The following CSNK2A2IP variants were observed in gnomAD, a reference collection of about 807,000 sequenced individuals.
CSNK2A2IP encodes casein kinase 2 subunit alpha' interacting protein, also known as casein kinase II subunit alpha'-interacting protein.
At chr3:88,404,957 T>C in the CSNK2A2IP span, among the ~76,000 whole-genome samples, 1 of 152,174 alleles carries the variant, frequency 6.6e-6, no homozygotes, top group Non-Finnish European at 1.5e-5. Flanking sequence ...TCACCCTCAA[T>C]ATCTGATCAG....
At chr3:88,368,988 C>G in the CSNK2A2IP span, among the ~76,000 whole-genome samples, 2 of 152,030 alleles carry the variant, frequency 1.3e-5, no homozygotes, top group Admixed American at 1.3e-4. Context: ...AAGATCTACC[C>G]TTAGGTAAAT....
chr3:88,396,647 A>C, the CSNK2A2IP span, among the ~76,000 whole-genome samples: 1 of 152,236 alleles, frequency 6.6e-6, no homozygotes, highest in African/African-American at 2.4e-5. Flanking sequence ...GAGAGCGAGG[A>C]GAAGCGCAAT....
chr3:88,381,163 T>C, the CSNK2A2IP span, among the ~76,000 whole-genome samples: 1 of 152,186 alleles, frequency 6.6e-6, no homozygotes, highest in African/African-American at 2.4e-5. Context: ...GATTAGGGTG[T>C]GGCAGAAGGT....
the CSNK2A2IP span, among the ~76,000 whole-genome samples, chr3:88,371,957 C>T: frequency 1.3e-5 from 2 of 151,434 alleles, no homozygotes; most frequent in African/African-American, 4.8e-5. Context: ...ATTTCTATAC[C>T]CAGCCAAGCT....
At chr3:88,348,666 C>T in the CSNK2A2IP span, among the ~76,000 whole-genome samples, 1 of 152,088 alleles carries the variant, frequency 6.6e-6, no homozygotes, top group South Asian at 2.1e-4. Flanking sequence ...CTTTTGTATT[C>T]TTTTGTGTAA....
At chr3:88,445,319 A>G in the CSNK2A2IP span, among the ~76,000 whole-genome samples, 6 of 140,152 alleles carry the variant, frequency 4.3e-5, no homozygotes, top group Non-Finnish European at 7.6e-5. Flanking sequence ...GCTTGGTGAC[A>G]TGCACCTGTA....
At chr3:88,430,260 C>T in the CSNK2A2IP span, among the ~76,000 whole-genome samples, 1 of 152,028 alleles carries the variant, frequency 6.6e-6, no homozygotes, top group Non-Finnish European at 1.5e-5. Flanking sequence ...GATATTGCAT[C>T]TATAGAACAA....
At chr3:88,456,255 G>T in the CSNK2A2IP span, among the ~76,000 whole-genome samples, 1 of 151,952 alleles carries the variant, frequency 6.6e-6, no homozygotes, top group Non-Finnish European at 1.5e-5. Flanking sequence ...TTTGATATGG[G>T]TTCCAGTGGA....
the CSNK2A2IP span, among the ~76,000 whole-genome samples, chr3:88,433,460 T>A: frequency 6.6e-6 from 1 of 152,186 alleles, no homozygotes; most frequent in Non-Finnish European, 1.5e-5. Flanking sequence ...TTTGTACACA[T>A]AAGTTCCTTC....
chr3:88,413,395 A>T, the CSNK2A2IP span, among the ~76,000 whole-genome samples: 1 of 112,822 alleles, frequency 8.9e-6, no homozygotes, highest in Admixed American at 8.5e-5. Flanking sequence ...TTGAATCTTG[A>T]AAAAACATTT....
At chr3:88,432,762 A>G in the CSNK2A2IP span, among the ~76,000 whole-genome samples, 1 of 150,462 alleles carries the variant, frequency 6.6e-6, no homozygotes, top group Non-Finnish European at 1.5e-5. Context: ...TTATATTATT[A>G]TATGGTATTA....
the CSNK2A2IP span, among the ~76,000 whole-genome samples, chr3:88,391,104 G>A: frequency 1.3e-5 from 2 of 152,080 alleles, no homozygotes; most frequent in Non-Finnish European, 1.5e-5. Context: ...ATACTTAATA[G>A]GCAGCTGCAA....
the CSNK2A2IP span, among the ~76,000 whole-genome samples, chr3:88,446,118 TTTTTCTTTC>T: frequency 6.8e-6 from 1 of 147,188 alleles, no homozygotes; most frequent in African/African-American, 2.6e-5. Flanking sequence ...TTCTTTCTTT[TTTTTCTTTC>T]TTTCTTGTCC....
At chr3:88,449,089 C>T in the CSNK2A2IP span, among the ~76,000 whole-genome samples, 2 of 152,094 alleles carry the variant, frequency 1.3e-5, no homozygotes, top group Non-Finnish European at 1.5e-5. Context: ...TCCCTCCCTG[C>T]CTCCCTTCTT....
the CSNK2A2IP span, among the ~76,000 whole-genome samples, chr3:88,435,864 T>C: frequency 6.7e-6 from 1 of 149,018 alleles, no homozygotes; most frequent in Non-Finnish European, 1.5e-5. Flanking sequence ...TGTTTTGAGA[T>C]AAATTTTAAT....
At chr3:88,359,788 G>T in the CSNK2A2IP span, among the ~76,000 whole-genome samples, 1 of 152,066 alleles carries the variant, frequency 6.6e-6, no homozygotes, top group East Asian at 1.9e-4. Context: ...CCTATCTTAA[G>T]GTATGTCCTT....
chr3:88,366,841 A>G, the CSNK2A2IP span, among the ~76,000 whole-genome samples: 27 of 152,192 alleles, frequency 1.8e-4, no homozygotes, highest in Non-Finnish European at 3.1e-4. Flanking sequence ...ATGAACTCAC[A>G]GTTCCACATG....
chr3:88,420,980 T>C, the CSNK2A2IP span, among the ~76,000 whole-genome samples: 2 of 152,152 alleles, frequency 1.3e-5, no homozygotes, highest in African/African-American at 4.8e-5. Context: ...CACTAAGAGA[T>C]ACATTTACAG....
At chr3:88,445,959 TCC>T in the CSNK2A2IP span, among the ~76,000 whole-genome samples, 1 of 120,378 alleles carries the variant, frequency 8.3e-6, no homozygotes, top group Non-Finnish European at 2.0e-5. Flanking sequence ...TCTCTCTCTC[TCC>T]CTCCCTCCCT....
Sources: gnomAD v4.1 joint callset for allele counts (sites outside exome capture counted in the v4.1 genomes callset) on GRCh38, gnomAD v4.1.1 for gene constraint, MANE v1.5 for transcripts, NCBI Gene and HGNC (gene_info 2026-07-23, HGNC 2026-07-21) for gene names.